Variants in GRIA2 observed in about 807,000 individuals in gnomAD.
GRIA2 encodes glutamate receptor 2.
Under a neutral mutation model 97.3 loss-of-function variants are expected in GRIA2, and 14 were observed. The observed-to-expected ratio is 0.14, with a 90% confidence interval of 0.10 to 0.23. GRIA2 has a LOEUF of 0.23. Ranked by LOEUF, GRIA2 falls within the 10% of genes least tolerant of loss-of-function variation. The pLI is 1.00. For synonymous variants in GRIA2, 412 were observed against 387.8 expected, an observed-to-expected ratio of 1.06 and a Z score of -0.73; for missense variants, 558 against 1,069.8, an observed-to-expected ratio of 0.52 and a Z score of 6.67.
At chr4:157,317,271 G>A (rs1734365181) in intron 4 of GRIA2, among the ~76,000 whole-genome samples, 1 of 152,120 alleles carries the variant, frequency 6.6e-6, no homozygotes, top group East Asian at 1.9e-4. Flanking sequence ...AGTTTGAGAT[G>A]TTTAATGTTT....
intron 5 of GRIA2, among the ~76,000 whole-genome samples, chr4:157,320,297 G>A (rs1326625225): frequency 6.6e-6 from 1 of 152,052 alleles, no homozygotes; most frequent in Admixed American, 6.6e-5. Context: ...GTTTTGTCAT[G>A]TAAGCAAATT....
intron 3 of GRIA2, among the ~76,000 whole-genome samples, chr4:157,305,400 T>A (rs1560757200): frequency 6.6e-6 from 1 of 152,122 alleles, no homozygotes; most frequent in Non-Finnish European, 1.5e-5. Flanking sequence ...CCATTTTCTA[T>A]GAAGTAGCAG....
intron 2 of GRIA2, among the ~76,000 whole-genome samples, chr4:157,244,371 A>G (rs1275530148): frequency 6.6e-6 from 1 of 152,054 alleles, no homozygotes; most frequent in Non-Finnish European, 1.5e-5. Context: ...AAGGTAAACA[A>G]TAAGGCAGGA....
chr4:157,269,990 G>A (rs1370345871), intron 2 of GRIA2, among the ~76,000 whole-genome samples: 1 of 151,818 alleles, frequency 6.6e-6, no homozygotes, highest in Non-Finnish European at 1.5e-5. Context: ...ATTCATAACT[G>A]CCTTCTATTA....
chr4:157,351,443 G>C (rs1736006645), intron 12 of GRIA2, among the ~76,000 whole-genome samples: 1 of 152,090 alleles, frequency 6.6e-6, no homozygotes, highest in Admixed American at 6.5e-5. Flanking sequence ...ATAATGAGTA[G>C]GCATTCCATT....
At chr4:157,345,463 G>A (rs1735727559) in intron 12 of GRIA2, among the ~76,000 whole-genome samples, 1 of 152,184 alleles carries the variant, frequency 6.6e-6, no homozygotes, top group East Asian at 1.9e-4. Flanking sequence ...AATTAAGAGA[G>A]AATTAGCCTC....
intron 6 of GRIA2, among the ~76,000 whole-genome samples, chr4:157,328,786 A>C (rs1427366402): frequency 6.6e-6 from 1 of 152,056 alleles, no homozygotes; most frequent in Non-Finnish European, 1.5e-5. Flanking sequence ...TTAGGCAAAA[A>C]TATGTTGTTT....
Position 157,363,591 on chromosome 4 carries a change from C to G in GRIA2, c.*160C>G. The G allele has an allele frequency of 8.1e-7, 1 of 1,232,752 alleles. No homozygotes were observed. Among genetic ancestry groups the G allele is most frequent in the Non-Finnish European group, 1.0e-6 (1 of 986,832 alleles). The allele number at this position is 1,232,752 out of a possible 1,614,324, so 76.4% of individuals were successfully genotyped here. On this transcript the variant is annotated 3_prime_UTR_variant, in exon 16 of 16. Transcript: ENST00000264426. Reference sequence around the variant, plus strand: ...GGGAATGAATGTCAGTGTGACTGATCTCTCGTGATTGATAAGAACCTTTTG... The same window carrying G: ...GGGAATGAATGTCAGTGTGACTGATGTCTCGTGATTGATAAGAACCTTTTG...
intron 12 of GRIA2, among the ~76,000 whole-genome samples, chr4:157,349,008 A>G (rs905208233): frequency 6.6e-6 from 1 of 152,234 alleles, no homozygotes. Context: ...CATTCCTGAC[A>G]TAGCAAAAAG....
At chr4:157,301,095 A>G (rs935378095) in intron 2 of GRIA2, among the ~76,000 whole-genome samples, 1 of 152,204 alleles carries the variant, frequency 6.6e-6, no homozygotes, top group Non-Finnish European at 1.5e-5. Context: ...CACACTTTGC[A>G]GGGAAATGGA....
chr4:157,243,929 GA>G (rs952540859), intron 2 of GRIA2, among the ~76,000 whole-genome samples: 2 of 150,390 alleles, frequency 1.3e-5, no homozygotes, highest in Middle Eastern at 3.4e-3. Flanking sequence ...TAAACAAATA[GA>G]AAAAAAAGCA....
intron 2 of GRIA2, among the ~76,000 whole-genome samples, chr4:157,288,133 T>A (rs923466035): frequency 2.0e-5 from 3 of 151,726 alleles, no homozygotes; most frequent in African/African-American, 4.8e-5. Flanking sequence ...AATTTTTTTT[T>A]AATTTTAGTA....
intron 2 of GRIA2, among the ~76,000 whole-genome samples, chr4:157,234,444 A>G (rs868197795): frequency 6.6e-6 from 1 of 152,088 alleles, no homozygotes; most frequent in Non-Finnish European, 1.5e-5. Flanking sequence ...AAGAATTTTG[A>G]TGTGTTCTTG....
chr4:157,263,116 A>G (rs1037085804), intron 2 of GRIA2, among the ~76,000 whole-genome samples: 1 of 152,116 alleles, frequency 6.6e-6, no homozygotes. Flanking sequence ...ACAATCTTAC[A>G]TGGTTATTTC....
intron 2 of GRIA2, among the ~76,000 whole-genome samples, chr4:157,245,994 T>G (rs1435363050): frequency 6.6e-6 from 1 of 151,952 alleles, no homozygotes; most frequent in African/African-American, 2.4e-5. Context: ...TCATTCCAAT[T>G]TTTTTCTGAT....
At position 157,365,208 on chromosome 4, in the gene GRIA2, G is replaced by C. The variant is rs914572653; in HGVS notation, c.*1777G>C. 6.6e-6 allele frequency: 1 copy of C among 151,444 alleles called. No homozygotes were observed. Among genetic ancestry groups the C allele is most frequent in the Non-Finnish European group, 1.5e-5 (1 of 67,620 alleles). The allele number at this position is 151,444 out of a possible 1,614,324, so 9.4% of individuals were successfully genotyped here. A position where few individuals can be genotyped will look rare whatever the true frequency, so the allele number is the denominator to read the frequency against. On this transcript the variant is annotated 3_prime_UTR_variant, in exon 16 of 16. Coordinates refer to ENST00000264426, the MANE Select transcript of GRIA2 (RefSeq NM_001083619.3). Reference sequence around the variant, plus strand: ...ACTTGCATTGAACATGGAGGCATGTGGTATCATGATATTCTTCACTAAATT... The same window carrying C: ...ACTTGCATTGAACATGGAGGCATGTCGTATCATGATATTCTTCACTAAATT...
At chr4:157,236,451 T>G (rs920318825) in intron 2 of GRIA2, among the ~76,000 whole-genome samples, 4 of 152,114 alleles carry the variant, frequency 2.6e-5, no homozygotes, top group Admixed American at 2.6e-4. Flanking sequence ...TTCCTCTTCT[T>G]TTTTTCTAGT....
chr4:157,264,989 T>G (rs1159063859), intron 2 of GRIA2, among the ~76,000 whole-genome samples: 1 of 152,060 alleles, frequency 6.6e-6, no homozygotes, highest in East Asian at 1.9e-4. Context: ...TTGCAACATT[T>G]CCTGATCAGT....
chr4:157,357,606 C>T (rs1736448517), intron 12 of GRIA2, among the ~76,000 whole-genome samples: 1 of 152,004 alleles, frequency 6.6e-6, no homozygotes, highest in South Asian at 2.1e-4. Flanking sequence ...AAGAATATGT[C>T]ATATATGTTA....
Sources: allele counts gnomAD v4.1 joint callset (sites outside exome capture counted in the v4.1 genomes callset), GRCh38; gene constraint gnomAD v4.1.1; transcripts MANE v1.5; gene names NCBI Gene and HGNC (gene_info 2026-07-23, HGNC 2026-07-21).